Variants in COL18A1 observed in about 807,000 individuals in gnomAD.
The protein encoded by COL18A1 is collagen alpha-1(XVIII) chain.
A neutral mutation model predicts 168.0 loss-of-function variants in COL18A1; 133 were observed. The ratio of observed to expected loss-of-function variants is 0.79; its 90% CI spans 0.69 to 0.91. The LOEUF is 0.91. Among genes scored for constraint, COL18A1 ranks in the 40% least tolerant of loss-of-function variants. The probability of loss-of-function intolerance (pLI) is 0.00; values close to 1 mark genes in which losing one functional copy is unlikely to be tolerated. For missense variants in COL18A1, 2,126 were observed against 1,925.4 expected, an observed-to-expected ratio of 1.10 and a Z score of -1.95; for synonymous variants, 949 against 809.0, an observed-to-expected ratio of 1.17 and a Z score of -2.94.
intron 2 of COL18A1, among the ~76,000 whole-genome samples, chr21:45,410,706 C>T (rs1171842153): frequency 3.9e-5 from 6 of 152,238 alleles, no homozygotes; most frequent in East Asian, 1.9e-4. Context: ...TTCAGCAGCT[C>T]GGACTCCTCT....
rs368985214 is a variant in COL18A1 at position 45,509,313 on chromosome 21, G to A, written c.3250-43G>A. On this transcript the variant is annotated intron_variant, in intron 38 of 41. Transcript: ENST00000651438. Reference sequence around the variant, plus strand: ...GGACACAGATGGAGGAGGGGCACCCGGAGGGTCCCCCCGCCGACAGGCCCC... The same window carrying A: ...GGACACAGATGGAGGAGGGGCACCCAGAGGGTCCCCCCGCCGACAGGCCCC... The A allele has an allele frequency of 1.2e-4, 179 of 1,536,384 alleles. No individual in the cohort carries two copies. In the African/African-American group the frequency reaches 1.6e-3, roughly 14 times the overall value.
At position 45,420,524 on chromosome 21, in the gene COL18A1, G is replaced by A. The variant is rs566086291; in HGVS notation, c.106+15051G>A. On this transcript the variant is annotated intron_variant, in intron 2 of 41. Transcript: ENST00000651438. ...GAGTCCCCTCGGGGCACCGAGAACA[G>A]ACCCCTCCTTCATCCCTGCTGTCAG... The A allele has an allele frequency of 3.9e-5, 6 of 152,380 alleles. No homozygotes were observed. The South Asian group carries it at 1.2e-3, about 32-fold the overall frequency. 9.4% of individuals were successfully genotyped at this position (152,380 alleles called of 1,614,324 possible). A position where few individuals can be genotyped will look rare whatever the true frequency, so the allele number is the denominator to read the frequency against.
At chr21:45,505,511 C>T in intron 36 of COL18A1, 80 bp downstream of exon 36, 1 of 782,790 alleles carries the variant, frequency 1.3e-6, no homozygotes. Flanking sequence ...CAGAGACACT[C>T]TCCCACGGAC....
At chr21:45,461,272 A>C (rs2053840710) in intron 2 of COL18A1, among the ~76,000 whole-genome samples, 1 of 152,142 alleles carries the variant, frequency 6.6e-6, no homozygotes, top group Non-Finnish European at 1.5e-5. Context: ...ACAAAAGCTA[A>C]GGGGGTTAAT....
At chr21:45,446,492 G>A (rs1269387711) in intron 2 of COL18A1, among the ~76,000 whole-genome samples, 1 of 152,226 alleles carries the variant, frequency 6.6e-6, no homozygotes, top group East Asian at 1.9e-4. Flanking sequence ...TATAACAAGT[G>A]AAGAGGTTGA....
intron 2 of COL18A1, chr21:45,421,320 G>T (rs761776510): frequency 2.1e-5 from 10 of 472,248 alleles, no homozygotes; most frequent in South Asian, 1.4e-4. Context: ...CCACGGTCAC[G>T]CTTGCACGGG....
At chr21:45,474,611 G>A (rs2035572121) in intron 4 of COL18A1, among the ~76,000 whole-genome samples, 1 of 151,618 alleles carries the variant, frequency 6.6e-6, no homozygotes, top group Non-Finnish European at 1.5e-5. Context: ...GTGGAATCAC[G>A]TGGTACCCAA....
chr21:45,456,734 C>T, intron 2 of COL18A1: 2 of 1,534,164 alleles, frequency 1.3e-6, no homozygotes, highest in East Asian at 2.5e-5. Flanking sequence ...CAGCGTCCCG[C>T]CGCCCGCCCC....
At chr21:45,482,392 T>G in intron 14 of COL18A1, 1 of 633,578 alleles carries the variant, frequency 1.6e-6, no homozygotes, top group Non-Finnish European at 2.9e-6. Flanking sequence ...GGGAGTCGCC[T>G]GCGTCTGGCC....
At chr21:45,455,396 A>G (rs1568878905) in intron 2 of COL18A1, 1 of 1,261,564 alleles carries the variant, frequency 7.9e-7, no homozygotes, top group Non-Finnish European at 1.1e-6. Context: ...CTTCTGCAAG[A>G]GTGGGGGGTG....
At chr21:45,462,923 G>T (rs929318415) in intron 2 of COL18A1, among the ~76,000 whole-genome samples, 2 of 152,060 alleles carry the variant, frequency 1.3e-5, no homozygotes, top group African/African-American at 2.4e-5. Flanking sequence ...AATGTTTTGT[G>T]TCTGTGCCAG....
rs1045445769 is a variant in COL18A1 at position 45,497,228 on chromosome 21, C to T, written c.2620+136C>T. 62 of 723,140 alleles carry T rather than the reference C, an allele frequency of 8.6e-5. No homozygotes were observed. The Admixed American group carries it at 1.2e-3, about 14-fold the overall frequency. 44.8% of individuals were successfully genotyped at this position (723,140 alleles called of 1,614,324 possible). On this transcript the variant is annotated intron_variant, in intron 31 of 41. Transcript: ENST00000651438. ...AGTGCTACACGCCCAGCCCACGCCC[C>T]AGTTCCGATGACCTTGGCCCTTCCT...
In COL18A1 at chr21:45,451,209, G is replaced by A. The variant is rs148361961; in HGVS notation, c.107-17033G>A. Among the ~76,000 whole-genome samples, 386 of 152,340 alleles carry A rather than the reference G, an allele frequency of 2.5e-3. 2 individuals are homozygous for A. The highest frequency in any genetic ancestry group is 7.4e-3 in the African/African-American group (308 of 41,588). On this transcript the variant is annotated intron_variant, in intron 2 of 41. Transcript: ENST00000651438. ...TTTCTAGTGCCCTGGCCAGATGGCC[G>A]GCCAGCGGGGGCCATGGTACCACAG... is the stretch of plus-strand genomic sequence containing the variant.
At chr21:45,501,652 C>G (rs112670966) in intron 32 of COL18A1, among the ~76,000 whole-genome samples, 9 of 147,138 alleles carry the variant, frequency 6.1e-5, no homozygotes, top group East Asian at 2.0e-4. Context: ...GGTGGTGGGG[C>G]CTCCACAGCC....
At chr21:45,510,396 C>T (rs2037508562) in intron 40 of COL18A1, 135 bp downstream of exon 40, 6 of 1,035,684 alleles carry the variant, frequency 5.8e-6, no homozygotes, top group East Asian at 5.2e-5. Context: ...AGGCTGGCGA[C>T]TTCAGGGCAG....
rs116274237 is a variant in COL18A1, at chr21:45,490,438, C to G, written c.2031+92C>G. On this transcript the variant is annotated intron_variant, in intron 20 of 41. Coordinates refer to ENST00000651438, the MANE Select transcript of COL18A1 (RefSeq NM_001379500.1). ...GAAAGCTGGCACGAGATGTGCCCTCCCGGGTCCCTGGGTCTCCATGTGCCC... is the reference window on the plus strand; with the variant it reads ...GAAAGCTGGCACGAGATGTGCCCTCGCGGGTCCCTGGGTCTCCATGTGCCC... The G allele has an allele frequency of 0.12, 110,318 of 900,668 alleles. 9,966 individuals are homozygous for G. Among genetic ancestry groups the G allele is most frequent in the African/African-American group, 0.16 (6,140 of 38,704 alleles). 55.8% of individuals were successfully genotyped at this position (900,668 alleles called of 1,614,324 possible). A position where few individuals can be genotyped will look rare whatever the true frequency, so the allele number is the denominator to read the frequency against.
rs371330320 is a variant in COL18A1 at position 45,477,850 on chromosome 21, C to T, written c.1106C>T (p.Pro369Leu). The change falls in exon 8 of 42, where the codon CCG becomes CTG. Residue 369 changes from proline (P) to leucine (L), a missense_variant. Transcript: ENST00000651438. ...TGCCTACCTGGTCCCCCGGGTCTCC[C>T]GTGCCCAGTGAGTCCCCTGGGTCCT... ...SPCLPGPPGL[P>L]CPVSPLGPAG... 2.0e-5 allele frequency: 31 copies of T among 1,553,714 alleles called. No individual in the cohort carries two copies. Among genetic ancestry groups the T allele is most frequent in the African/African-American group, 1.9e-4 (14 of 73,212 alleles).
Position 45,493,155 on chromosome 21 carries a change from C to G in COL18A1, c.2215-8C>G, listed in dbSNP as rs1285713284. The G allele has an allele frequency of 2.6e-6, 4 of 1,555,106 alleles. No individual in the cohort carries two copies. The East Asian group carries it at 9.7e-5, about 38-fold the overall frequency. ...CGCTCGGGCCTCACGGCCTGGCCTC[C>G]ATTCCAGGGACCTGCAGGACCCAAG... On this transcript the variant is annotated splice_region_variant and splice_polypyrimidine_tract_variant and intron_variant, in intron 24 of 41. Transcript: ENST00000651438.
At chr21:45,447,751 C>G (rs541615808) in intron 2 of COL18A1, among the ~76,000 whole-genome samples, 1 of 152,272 alleles carries the variant, frequency 6.6e-6, no homozygotes, top group South Asian at 2.1e-4. Flanking sequence ...TTGAAAATAT[C>G]TGCTTTGTTT....
Sources: allele counts gnomAD v4.1 joint callset (sites outside exome capture counted in the v4.1 genomes callset), GRCh38; gene constraint gnomAD v4.1.1; transcripts MANE v1.5; gene names NCBI Gene and HGNC (gene_info 2026-07-23, HGNC 2026-07-21).